The following KRABD2 variants were observed in gnomAD, a reference collection of about 807,000 sequenced individuals.
KRABD2 encodes KRAB domain-containing protein 2.
At chr17:8,368,945 T>C in the KRABD2 span, 2 of 1,035,930 alleles carry the variant, frequency 1.9e-6, no homozygotes. Context: ...CAGGTTGTGG[T>C]AATTTTTTAT....
chr17:8,369,589 A>G, the KRABD2 span: 2 of 1,614,238 alleles, frequency 1.2e-6, no homozygotes. Flanking sequence ...AGGTCTGGCC[A>G]CAACTCATTG....
chr17:8,372,080 T>A, the KRABD2 span: 6 of 985,296 alleles, frequency 6.1e-6, no homozygotes, highest in Non-Finnish European at 7.2e-6. The surrounding 1 kb of genome is among the most constrained non-coding windows in gnomAD (Gnocchi z 4.1). Context: ...CAGGGCAGAA[T>A]CCTGAGAAGC....
At chr17:8,369,839 G>A in the KRABD2 span, 3 of 1,614,210 alleles carry the variant, frequency 1.9e-6, no homozygotes, top group Non-Finnish European at 2.5e-6. Context: ...TGGAGTCTAT[G>A]TCCTTAAAAG....
chr17:8,373,784 GC>G, the KRABD2 span: 1 of 163,154 alleles, frequency 6.1e-6, no homozygotes, highest in East Asian at 1.9e-4. Context: ...CTGCCCCGCC[GC>G]CCCGTCTGGG....
chr17:8,374,414 T>C, the KRABD2 span, among the ~76,000 whole-genome samples: 2 of 152,068 alleles, frequency 1.3e-5, no homozygotes, highest in African/African-American at 4.8e-5. Flanking sequence ...GTTAAACAGA[T>C]GCTTGAAGGC....
the KRABD2 span, chr17:8,371,520 C>A: frequency 6.2e-7 from 1 of 1,602,604 alleles, no homozygotes; most frequent in Non-Finnish European, 8.5e-7. Flanking sequence ...GAGAGGGCAC[C>A]AGGAATGAAG....
At chr17:8,361,246 G>A in the KRABD2 span, among the ~76,000 whole-genome samples, 4 of 152,164 alleles carry the variant, frequency 2.6e-5, no homozygotes, top group East Asian at 7.7e-4. Flanking sequence ...AGCTCAGGCT[G>A]GGGTTCTAGA....
chr17:8,365,886 G>T, the KRABD2 span, among the ~76,000 whole-genome samples: 1 of 152,150 alleles, frequency 6.6e-6, no homozygotes, highest in Non-Finnish European at 1.5e-5. Context: ...CCAGCACTTT[G>T]GGAGGCCAAG....
At chr17:8,371,746 G>C in the KRABD2 span, 5 of 1,289,074 alleles carry the variant, frequency 3.9e-6, no homozygotes, top group Non-Finnish European at 4.9e-6. Context: ...AAGTGAACTT[G>C]GGCGCAGGCT....
At chr17:8,371,510 GAGAGGGCACC>G in the KRABD2 span, 1 of 1,605,194 alleles carries the variant, frequency 6.2e-7, no homozygotes, top group Non-Finnish European at 8.5e-7. Flanking sequence ...GAAGAGACAA[GAGAGGGCACC>G]AGGAATGAAG....
chr17:8,363,342 CAG>C, the KRABD2 span, among the ~76,000 whole-genome samples: 3 of 151,968 alleles, frequency 2.0e-5, no homozygotes, highest in Admixed American at 6.6e-5. Flanking sequence ...AAAATCATAA[CAG>C]ATTTTTAGAA....
the KRABD2 span, among the ~76,000 whole-genome samples, chr17:8,375,508 T>C: frequency 6.6e-6 from 1 of 150,928 alleles, no homozygotes; most frequent in Non-Finnish European, 1.5e-5. Flanking sequence ...CCTGCACATT[T>C]CTAAGCTTTC....
At chr17:8,363,044 T>C in the KRABD2 span, among the ~76,000 whole-genome samples, 3 of 152,238 alleles carry the variant, frequency 2.0e-5, no homozygotes, top group Admixed American at 6.5e-5. Context: ...TACTGTTGCA[T>C]TGACATTTGG....
the KRABD2 span, among the ~76,000 whole-genome samples, chr17:8,374,240 AAAG>A: frequency 3.9e-5 from 6 of 152,384 alleles, no homozygotes; most frequent in East Asian, 9.6e-4. Flanking sequence ...GTCTGTGTAG[AAAG>A]AAGTAGACAT....
At chr17:8,376,614 G>A in the KRABD2 span, 5 of 985,852 alleles carry the variant, frequency 5.1e-6, no homozygotes, top group African/African-American at 1.7e-5. Flanking sequence ...GAAAAGAGCT[G>A]CAGACTGAGG....
At chr17:8,371,606 C>A in the KRABD2 span, 1 of 1,490,428 alleles carries the variant, frequency 6.7e-7, no homozygotes, top group South Asian at 1.4e-5. Flanking sequence ...TCACATCTAA[C>A]AAGATGAGTA....
At chr17:8,371,342 T>C in the KRABD2 span, 11 of 1,613,954 alleles carry the variant, frequency 6.8e-6, no homozygotes, top group East Asian at 2.0e-4. Flanking sequence ...CTGTCCAGCA[T>C]TGTGTCTCTG....
chr17:8,376,228 G>A, the KRABD2 span: 1 of 1,230,794 alleles, frequency 8.1e-7, no homozygotes, highest in Non-Finnish European at 1.0e-6. Context: ...CAGGTAGGTC[G>A]TTATTAGCAA....
chr17:8,373,769 C>T, the KRABD2 span: 580 of 166,966 alleles, frequency 3.5e-3, 4 homozygotes, highest in African/African-American at 0.013. Flanking sequence ...ATGTGGGGAG[C>T]GCCTCTGCCC....
Sources: gnomAD v4.1 joint callset for allele counts (sites outside exome capture counted in the v4.1 genomes callset) on GRCh38, gnomAD v4.1.1 for gene constraint, Gnocchi (gnomAD v3.1) non-coding constraint, MANE v1.5 for transcripts, NCBI Gene and HGNC (gene_info 2026-07-23, HGNC 2026-07-21) for gene names.